The following MYO1B variants were observed in gnomAD, a reference collection of about 807,000 sequenced individuals.
MYO1B encodes the protein unconventional myosin-Ib.
MYO1B carries 72 observed loss-of-function variants against 159.7 expected under a neutral mutation model. That is an observed-to-expected ratio of 0.45 (90% confidence interval 0.37 to 0.55). The LOEUF is 0.55. MYO1B is among the 20% of genes least tolerant of loss of function. The probability of loss-of-function intolerance (pLI) is 0.00; values close to 1 mark genes in which losing one functional copy is unlikely to be tolerated. For synonymous variants in MYO1B, 468 were observed against 473.8 expected, an observed-to-expected ratio of 0.99 and a Z score of 0.16; for missense variants, 1,062 against 1,364.8, an observed-to-expected ratio of 0.78 and a Z score of 3.50.
At chr2:191,326,770 A>ATGTGTGTGTGTGTGTGTG (rs35184577) in intron 3 of MYO1B, among the ~76,000 whole-genome samples, 1 of 137,060 alleles carries the variant, frequency 7.3e-6, no homozygotes, top group Non-Finnish European at 1.6e-5. Flanking sequence ...GTTTGTATAT[A>ATGTGTGTGTGTGTGTGTG]TGTGTGTGTG....
intron 20 of MYO1B, among the ~76,000 whole-genome samples, chr2:191,393,479 A>G (rs561076124): frequency 2.1e-4 from 32 of 152,222 alleles, no homozygotes; most frequent in Non-Finnish European, 3.8e-4. Context: ...GCTCAAGTTC[A>G]GTGTGCCATA....
intron 3 of MYO1B, among the ~76,000 whole-genome samples, chr2:191,305,008 C>G (rs554420139): frequency 6.6e-6 from 1 of 152,320 alleles, no homozygotes; most frequent in Admixed American, 6.5e-5. Flanking sequence ...TGACCTTTGA[C>G]AGACTCTGAG....
In MYO1B at chr2:191,302,898, A is replaced by G. The variant is rs150247878; in HGVS notation, c.251+6672A>G. 8.8e-4 allele frequency among the ~76,000 whole-genome samples: 134 copies of G among 152,352 alleles called. 1 individual carries two copies. The highest frequency in any genetic ancestry group is 3.4e-3 in the Middle Eastern group (1 of 294). On this transcript the variant is annotated intron_variant, in intron 3 of 30. Transcript: ENST00000392318. ...GGTATAGTGCTAATGTCAGTTGTCC[A>G]GAAGTGAGCCCTCCGTCTGTGGACT... is the stretch of plus-strand genomic sequence containing the variant.
chr2:191,400,964 G>A, intron 23 of MYO1B, 129 bp downstream of exon 23: 1 of 809,472 alleles, frequency 1.2e-6, no homozygotes, highest in Non-Finnish European at 1.9e-6. Context: ...CTAGCCGCCA[G>A]ATTTAACACA....
At chr2:191,290,513 G>A (rs1054389081) in intron 2 of MYO1B, among the ~76,000 whole-genome samples, 24 of 152,134 alleles carry the variant, frequency 1.6e-4, no homozygotes, top group African/African-American at 5.8e-4. Flanking sequence ...TAAACATTTT[G>A]TAAAAAATAT....
intron 6 of MYO1B, among the ~76,000 whole-genome samples, chr2:191,347,174 C>T (rs529687586): frequency 1.2e-4 from 18 of 152,260 alleles, no homozygotes; most frequent in South Asian, 2.1e-4. Flanking sequence ...TTTTAGATCC[C>T]GTTTGGCTCT....
chr2:191,422,421 C>A (rs1697995313), intron 30 of MYO1B, among the ~76,000 whole-genome samples: 1 of 152,128 alleles, frequency 6.6e-6, no homozygotes. Context: ...TCTGTGGATG[C>A]TCAATTGTAC....
At chr2:191,396,382 A>G (rs754398751) in intron 20 of MYO1B, 47 bp from the exon 21 acceptor site, 102 of 1,570,864 alleles carry the variant, frequency 6.5e-5, no homozygotes, top group Non-Finnish European at 8.5e-5. Context: ...TGTATGCGTT[A>G]CAGATATTAA....
intron 3 of MYO1B, among the ~76,000 whole-genome samples, chr2:191,326,304 G>T (rs1691061341): frequency 1.3e-5 from 2 of 152,124 alleles, no homozygotes; most frequent in African/African-American, 4.8e-5. Context: ...GCTGATGATG[G>T]GTACGTGCTC....
chr2:191,408,029 A>AT, intron 24 of MYO1B, 86 bp from the exon 25 acceptor site: 2 of 828,412 alleles, frequency 2.4e-6, no homozygotes, highest in Non-Finnish European at 3.9e-6. Flanking sequence ...CTTGTTTGAC[A>AT]TTTTTTCATT....
rs189602871 is a variant in MYO1B at position 191,300,056 on chromosome 2, A to G, written c.251+3830A>G. ...GGTCATTTTCCACTTCCTTTAGTGT[A>G]TTTTCCTGCATTTTTCTTTGCAGAT... On this transcript the variant is annotated intron_variant, in intron 3 of 30. Coordinates refer to ENST00000392318, the MANE Select transcript of MYO1B (RefSeq NM_001130158.3). Among the ~76,000 whole-genome samples the G allele has an allele frequency of 1.4e-4, 21 of 152,130 alleles. 1 individual carries two copies. Among genetic ancestry groups the G allele is most frequent in the Admixed American group, 5.2e-4 (8 of 15,280 alleles).
rs1232947822 is a variant in MYO1B at position 191,359,311 on chromosome 2, G to GTTTT, written c.563-1320_563-1319insTTTT. ...CCCACTTGTACTTTTCAACCTTTGG[G>GTTTT]GTTTTTTTTTTTTTTCATGTTTTCT... On this transcript the variant is annotated intron_variant, in intron 7 of 30. Coordinates refer to ENST00000392318, the MANE Select transcript of MYO1B (RefSeq NM_001130158.3). Among the ~76,000 whole-genome samples the GTTTT allele has an allele frequency of 1.7e-3, 40 of 23,414 alleles. 1 individual carries two copies. The highest frequency in any genetic ancestry group is 1.9e-3 in the Non-Finnish European group (15 of 7,946). 15.4% of individuals were successfully genotyped at this position (23,414 alleles called of 152,430 possible). A position where few individuals can be genotyped will look rare whatever the true frequency, so the allele number is the denominator to read the frequency against.
chr2:191,397,133 T>C (rs1398484793), intron 21 of MYO1B, among the ~76,000 whole-genome samples: 27 of 113,522 alleles, frequency 2.4e-4, no homozygotes, highest in Middle Eastern at 4.7e-3. Flanking sequence ...GATTTCTTTT[T>C]TTTTTTTTTT....
chr2:191,341,429 TATTG>T (rs1363284462), intron 4 of MYO1B, 28 bp from the exon 5 acceptor site: 1 of 1,579,146 alleles, frequency 6.3e-7, no homozygotes, highest in Middle Eastern at 1.7e-4. Flanking sequence ...ATTTCTGTGT[TATTG>T]ATTAATATGG....
At chr2:191,307,750 C>G (rs1467488588) in intron 3 of MYO1B, among the ~76,000 whole-genome samples, 4 of 152,282 alleles carry the variant, frequency 2.6e-5, no homozygotes, top group Middle Eastern at 3.4e-3. Context: ...TGGGGGTTTC[C>G]ATGATCCTCA....
intron 24 of MYO1B, among the ~76,000 whole-genome samples, chr2:191,406,883 T>TA (rs1386863825): frequency 6.6e-6 from 1 of 152,206 alleles, no homozygotes; most frequent in Non-Finnish European, 1.5e-5. Context: ...AGGTATATGT[T>TA]ACAGTTTTTA....
At chr2:191,332,992 T>C (rs866813152) in intron 4 of MYO1B, among the ~76,000 whole-genome samples, 1 of 152,212 alleles carries the variant, frequency 6.6e-6, no homozygotes, top group South Asian at 2.1e-4. Flanking sequence ...TGAATGAACA[T>C]CATGTACTAA....
At chr2:191,302,037 C>T (rs1689367184) in intron 3 of MYO1B, among the ~76,000 whole-genome samples, 1 of 152,228 alleles carries the variant, frequency 6.6e-6, no homozygotes, top group African/African-American at 2.4e-5. Flanking sequence ...GTGGAATCTC[C>T]TCTTGAGCCA....
intron 2 of MYO1B, among the ~76,000 whole-genome samples, chr2:191,287,138 GC>G (rs1436894237): frequency 6.6e-6 from 1 of 152,082 alleles, no homozygotes; most frequent in East Asian, 1.9e-4. Context: ...TGGAATGCTT[GC>G]TGTGGGTCAG....
Sources: allele counts gnomAD v4.1 joint callset (sites outside exome capture counted in the v4.1 genomes callset), GRCh38; gene constraint gnomAD v4.1.1; transcripts MANE v1.5; gene names NCBI Gene and HGNC (gene_info 2026-07-23, HGNC 2026-07-21).